OR4N5: variants seen among roughly 807,000 people sequenced by gnomAD.
OR4N5 encodes the protein olfactory receptor 4N5.
For synonymous variants in OR4N5, 155 were observed against 140.6 expected, an observed-to-expected ratio of 1.10 and a Z score of -0.72; for missense variants, 428 against 370.0, an observed-to-expected ratio of 1.16 and a Z score of -1.29.
Position 20,143,843 on chromosome 14 carries a change from TATC to T in OR4N5, c.112_114del (p.Ile38del), listed in dbSNP as rs1878666539. ...TTGTGCTAGTCTTAATTTTCTACCT[TATC>T]ATCCTCCCTGGAAATTTCCTCATCA... is the stretch of plus-strand genomic sequence containing the variant. On this transcript the variant is annotated inframe_deletion, in exon 3 of 3. Coordinates refer to ENST00000641086, the MANE Select transcript of OR4N5 (RefSeq NM_001004724.2). 1 of 1,614,014 alleles carries T rather than the reference TATC, an allele frequency of 6.2e-7. No individual in the cohort carries two copies.
chr14:20,144,254 G>A lies in OR4N5; in HGVS notation c.519G>A (p.Gln173=). The A allele has an allele frequency of 1.2e-6, 2 of 1,614,040 alleles. No homozygotes were observed. Among genetic ancestry groups the A allele is most frequent in the Non-Finnish European group, 1.7e-6 (2 of 1,180,014 alleles). Residue 173 remains glutamine (Q), a synonymous_variant, in exon 3 of 3, where the codon CAG becomes CAA. Transcript: ENST00000641086. ...ILHLPFCGPN[Q]LDNFFCDVPQ... ...ACTTGCCTTTCTGTGGCCCAAACCA[G>A]CTCGATAACTTCTTCTGTGATGTTC...
Position 20,144,414 on chromosome 14 carries a change from G to A in OR4N5, c.679G>A (p.Glu227Lys). 6.2e-7 allele frequency: 1 copy of A among 1,613,964 alleles called. No individual in the cohort carries two copies. Among genetic ancestry groups the A allele is most frequent in the East Asian group, 2.2e-5 (1 of 44,838 alleles). The change falls in exon 3 of 3, where the codon GAG becomes AAG. Residue 227 changes from glutamate (E) to lysine (K), a missense_variant. Transcript: ENST00000641086. ...TGCAGTCATCCTCTGTCGTATAAGG[G>A]AGCACTCCTCTGAAGGAAAGAGCAA... is the stretch of plus-strand genomic sequence containing the variant. ...SYAVILCRIR[E>K]HSSEGKSKAI...
At chr14:20,142,999 A>T (rs1336229130) in intron 2 of OR4N5, among the ~76,000 whole-genome samples, 1 of 152,236 alleles carries the variant, frequency 6.6e-6, no homozygotes, top group Non-Finnish European at 1.5e-5. Flanking sequence ...TTATAGATAT[A>T]TAGAGAGCAG....
intron 1 of OR4N5, among the ~76,000 whole-genome samples, chr14:20,139,292 G>A (rs1387848237): frequency 6.6e-6 from 1 of 152,004 alleles, no homozygotes; most frequent in Non-Finnish European, 1.5e-5. Context: ...AGTCAAAAAG[G>A]GCAGGCTGAG....
Position 20,143,946 on chromosome 14 carries a change from G to A in OR4N5, c.211G>A (p.Ala71Thr). The change falls in exon 3 of 3, where the codon GCA (alanine) becomes ACA (threonine). Residue 71 changes from alanine (A) to threonine (T), a missense_variant. Physicochemically the swap from Ala to Thr is moderately conservative, Grantham distance 58. Transcript: ENST00000641086. ...TCTGGGCAACTTGGCCTTACTGGATGCATCCTACTCCTTCATTGTGGTTCC... is the reference window on the plus strand; with the variant it reads ...TCTGGGCAACTTGGCCTTACTGGATACATCCTACTCCTTCATTGTGGTTCC... ...FFLGNLALLD[A>T]SYSFIVVPRM... 1 of 1,614,034 alleles carries A rather than the reference G, an allele frequency of 6.2e-7. No individual in the cohort carries two copies. The highest frequency in any genetic ancestry group is 8.5e-7 in the Non-Finnish European group (1 of 1,179,952).
At position 20,144,005 on chromosome 14, in the gene OR4N5, G is replaced by A. The variant is rs201467097; in HGVS notation, c.270G>A (p.Lys90=). ...RMLVDFLSEK[K]VISYRSCITQ... ...TGGTGGACTTCCTCTCTGAGAAGAAGGTAATCTCCTATAGAAGCTGCATCA... is the reference window on the plus strand; with the variant it reads ...TGGTGGACTTCCTCTCTGAGAAGAAAGTAATCTCCTATAGAAGCTGCATCA... The change falls in exon 3 of 3, where the codon AAG becomes AAA. Residue 90 remains lysine, a synonymous_variant. Coordinates refer to ENST00000641086, the MANE Select transcript of OR4N5 (RefSeq NM_001004724.2). 3 of 1,614,088 alleles carry A rather than the reference G, an allele frequency of 1.9e-6. No individual in the cohort carries two copies. Among genetic ancestry groups the A allele is most frequent in the Non-Finnish European group, 2.5e-6 (3 of 1,179,978 alleles).
Position 20,143,872 on chromosome 14 carries a change from T to A in OR4N5, c.137T>A (p.Ile46Asn). ...ATCCTCCCTGGAAATTTCCTCATCA[T>A]TTTCACCATAAAGTCAGACCCTGGG... Reference protein sequence around the residue: ...LIILPGNFLIIFTIKSDPGLT... With the variant: ...LIILPGNFLINFTIKSDPGLT... The change falls in exon 3 of 3, where the codon ATT becomes AAT. Residue 46 changes from isoleucine to asparagine, a missense_variant. Transcript: ENST00000641086. The A allele has an allele frequency of 6.2e-7, 1 of 1,614,042 alleles. No individual in the cohort carries two copies. Among genetic ancestry groups the A allele is most frequent in the Middle Eastern group, 1.7e-4 (1 of 6,058 alleles).
Position 20,144,061 on chromosome 14 carries a change from C to A in OR4N5, c.326C>A (p.Ala109Glu), listed in dbSNP as rs201021528. The A allele has an allele frequency of 1.2e-6, 2 of 1,613,928 alleles. No homozygotes were observed. The highest frequency in any genetic ancestry group is 1.3e-5 in the African/African-American group (1 of 74,912). The change falls in exon 3 of 3, where the codon GCG (alanine) becomes GAG (glutamate). Residue 109 changes from alanine (A) to glutamate (E), a missense_variant. By Grantham distance (107) the Ala-to-Glu change is moderately radical. Transcript: ENST00000641086. ...CTCTTTTTCTTGCATTTTCTTGGAG[C>A]GGGAGAGATGTTCCTCCTCGTTGTG... is the stretch of plus-strand genomic sequence containing the variant. ...TQLFFLHFLG[A>E]GEMFLLVVMA... is the part of the protein sequence containing the mutation.
intron 2 of OR4N5, among the ~76,000 whole-genome samples, chr14:20,143,338 T>A (rs900480842): frequency 1.3e-5 from 2 of 152,170 alleles, no homozygotes; most frequent in Non-Finnish European, 2.9e-5. Context: ...ACCTAGCAAC[T>A]AATCTAACAT....
chr14:20,140,782 C>A (rs1019241512), intron 1 of OR4N5, 61 bp from the exon 2 acceptor site: 1 of 152,034 alleles, frequency 6.6e-6, no homozygotes, highest in Admixed American at 6.6e-5. Context: ...GAGATGGTGA[C>A]CATCATTTAG....
At chr14:20,142,457 A>C (rs1026066250) in intron 2 of OR4N5, among the ~76,000 whole-genome samples, 2 of 152,174 alleles carry the variant, frequency 1.3e-5, no homozygotes, top group Non-Finnish European at 2.9e-5. Context: ...TATGCAGAGA[A>C]GTTCCATTAT....
Position 20,143,761 on chromosome 14 carries a change from T to G in OR4N5, c.26T>G (p.Val9Gly). 1 of 1,611,872 alleles carries G rather than the reference T, an allele frequency of 6.2e-7. No homozygotes were observed. Among genetic ancestry groups the G allele is most frequent in the Non-Finnish European group, 8.5e-7 (1 of 1,178,944 alleles). The part of the protein sequence containing the change: METQNLTV[V>G]TEFILLGLTQ... ...ATGGAAACACAGAACCTCACAGTGG[T>G]GACAGAATTCATTCTTCTTGGTCTG... The change falls in exon 3 of 3, where the codon GTG becomes GGG. Residue 9 changes from valine to glycine, a missense_variant. Val to Gly is a moderately radical substitution (Grantham distance 109). Coordinates refer to ENST00000641086, the MANE Select transcript of OR4N5 (RefSeq NM_001004724.2).
In OR4N5 at chr14:20,143,787, A is replaced by C; in HGVS notation, c.52A>C (p.Thr18Pro). 6.2e-7 allele frequency: 1 copy of C among 1,613,820 alleles called. No homozygotes were observed. The highest frequency in any genetic ancestry group is 1.1e-5 in the South Asian group (1 of 91,054). Residue 18 changes from threonine to proline, a missense_variant, in exon 3 of 3, where the codon ACC (threonine) becomes CCC (proline). Transcript: ENST00000641086. ...GACAGAATTCATTCTTCTTGGTCTG[A>C]CCCAGTCTCAAGATGCTCAACTTCT... ...VVTEFILLGLTQSQDAQLLVF... is the reference protein window; with the variant it reads ...VVTEFILLGLPQSQDAQLLVF...
chr14:20,144,436 G>C lies in OR4N5; in HGVS notation c.701G>C (p.Ser234Thr), dbSNP rs10140908. The C allele has an allele frequency of 5.2e-3, 8,383 of 1,614,006 alleles. 177 individuals carry two copies. The highest frequency in any genetic ancestry group is 0.049 in the African/African-American group (3,669 of 75,018). ...RIREHSSEGK[S>T]KAISTCTTHI... ...AGGGAGCACTCCTCTGAAGGAAAGA[G>C]CAAGGCTATTTCCACATGCACCACC... is the stretch of plus-strand genomic sequence containing the variant. The change falls in exon 3 of 3, where the codon AGC (serine) becomes ACC (threonine). Residue 234 changes from serine (S) to threonine (T), a missense_variant. Coordinates refer to ENST00000641086, the MANE Select transcript of OR4N5 (RefSeq NM_001004724.2).
In OR4N5 at chr14:20,140,547, C is replaced by G. The variant is rs547752768; in HGVS notation, c.-380-296C>G. Reference sequence around the variant, plus strand: ...TTGGCTTCAGGAGCTGGTCTGAAAACAGTCTGGAATTGAGATATGCACAGT... The same window carrying G: ...TTGGCTTCAGGAGCTGGTCTGAAAAGAGTCTGGAATTGAGATATGCACAGT... On this transcript the variant is annotated intron_variant, in intron 1 of 2. Coordinates refer to ENST00000641086, the MANE Select transcript of OR4N5 (RefSeq NM_001004724.2). 2.0e-5 allele frequency among the ~76,000 whole-genome samples: 3 copies of G among 152,272 alleles called. No homozygotes were observed. The East Asian group carries it at 5.8e-4, about 29-fold the overall frequency.
At chr14:20,142,506 G>A (rs535376308) in intron 2 of OR4N5, among the ~76,000 whole-genome samples, 2 of 152,198 alleles carry the variant, frequency 1.3e-5, no homozygotes, top group South Asian at 2.1e-4. Context: ...GCACCTCCTT[G>A]GGTGAACACA....
At chr14:20,141,940 G>T (rs1878622768) in intron 2 of OR4N5, among the ~76,000 whole-genome samples, 1 of 151,990 alleles carries the variant, frequency 6.6e-6, no homozygotes, top group Admixed American at 6.6e-5. Flanking sequence ...ATTGTATGTA[G>T]TCAAAAGTCA....
In OR4N5 at chr14:20,144,517, C is replaced by A; in HGVS notation, c.782C>A (p.Pro261His). ...CCTGCTATTTTCATCTACACTTGCC[C>A]CTTCCAGGCTTTCCCAGCTGACAAG... Reference protein sequence around the residue: ...FGPAIFIYTCPFQAFPADKVV... With the variant: ...FGPAIFIYTCHFQAFPADKVV... The change falls in exon 3 of 3, where the codon CCC becomes CAC. Residue 261 changes from proline to histidine, a missense_variant. Physicochemically the swap from Pro to His is moderately conservative, Grantham distance 77 (BLOSUM62 -2). Coordinates refer to ENST00000641086, the MANE Select transcript of OR4N5 (RefSeq NM_001004724.2). 6.2e-7 allele frequency: 1 copy of A among 1,614,058 alleles called. No individual in the cohort carries two copies. The highest frequency in any genetic ancestry group is 1.1e-5 in the South Asian group (1 of 91,080).
intron 2 of OR4N5, among the ~76,000 whole-genome samples, chr14:20,143,485 G>C (rs1474775874): frequency 1.3e-5 from 2 of 152,106 alleles, no homozygotes; most frequent in Non-Finnish European, 2.9e-5. Flanking sequence ...CAGGAGTGAA[G>C]TTACCTAGAA....
Sources: allele counts gnomAD v4.1 joint callset (sites outside exome capture counted in the v4.1 genomes callset), GRCh38; gene constraint gnomAD v4.1.1; transcripts MANE v1.5; gene names NCBI Gene and HGNC (gene_info 2026-07-23, HGNC 2026-07-21).